The following ZDHHC13 variants were observed in gnomAD, a reference collection of about 807,000 sequenced individuals.
ZDHHC13 encodes zDHHC palmitoyltransferase 13, also known as palmitoyltransferase ZDHHC13.
In ZDHHC13, 85 loss-of-function variants were observed where a neutral mutation model predicts 86.0. The ratio of observed to expected loss-of-function variants is 0.99; its 90% CI spans 0.83 to 1.18. ZDHHC13 has a LOEUF of 1.18. Ranked by LOEUF, ZDHHC13 falls within the 50% of genes most tolerant of loss-of-function variation. The pLI is 0.00. For missense variants in ZDHHC13, 711 were observed against 730.2 expected (o/e 0.97, Z 0.30); for synonymous variants, 263 against 246.4 (o/e 1.07, Z -0.63).
At position 19,176,130 on chromosome 11, in the gene ZDHHC13, G is replaced by T; in HGVS notation, c.*170G>T. ...CAATAAAGGCATTACAATTTTTTAGGTTTAGAAAGATGGACTTTTCTGATA... is the reference window on the plus strand; with the variant it reads ...CAATAAAGGCATTACAATTTTTTAGTTTTAGAAAGATGGACTTTTCTGATA... On this transcript the variant is annotated 3_prime_UTR_variant, in exon 17 of 17. Transcript: ENST00000446113. 1.8e-6 allele frequency: 1 copy of T among 553,276 alleles called. No homozygotes were observed. The highest frequency in any genetic ancestry group is 2.8e-6 in the Non-Finnish European group (1 of 358,600). 34.3% of individuals were successfully genotyped at this position (553,276 alleles called of 1,614,324 possible).
intron 10 of ZDHHC13, among the ~76,000 whole-genome samples, chr11:19,160,616 CAT>C (rs1269340373): frequency 2.6e-5 from 4 of 151,752 alleles, no homozygotes; most frequent in African/African-American, 7.3e-5. Flanking sequence ...ATTTGAGAAA[CAT>C]GTCAGATTTT....
intron 1 of ZDHHC13, among the ~76,000 whole-genome samples, chr11:19,118,486 C>T (rs1848693657): frequency 6.6e-6 from 1 of 151,680 alleles, no homozygotes; most frequent in Non-Finnish European, 1.5e-5. Context: ...CATTCTTTTT[C>T]TCAGAGAGGC....
chr11:19,170,396 T>TC lies in ZDHHC13; in HGVS notation c.1475-15_1475-14insC. 2 of 1,491,384 alleles carry TC rather than the reference T, an allele frequency of 1.3e-6. No individual in the cohort carries two copies. Among genetic ancestry groups the TC allele is most frequent in the East Asian group, 2.6e-5 (1 of 39,056 alleles). 92.4% of individuals were successfully genotyped at this position (1,491,384 alleles called of 1,614,324 possible). ...TTGCCTTTTTTTTTTTTTTTTTTTT[T>TC]TGGTGAATTCACAGATTTGTCCAGT... On this transcript the variant is annotated splice_polypyrimidine_tract_variant and intron_variant, in intron 14 of 16. Coordinates refer to ENST00000446113, the MANE Select transcript of ZDHHC13 (RefSeq NM_019028.3).
In ZDHHC13 at chr11:19,117,622, C is replaced by T. The variant is rs560511194; in HGVS notation, c.27+346C>T. On this transcript the variant is annotated intron_variant, in intron 1 of 16. Coordinates refer to ENST00000446113, the MANE Select transcript of ZDHHC13 (RefSeq NM_019028.3). This position sits in a 1 kb window ranked among gnomAD's most constrained non-coding sequence, Gnocchi z 4.2. ...TTCCCGGGAGAGGTGTCAGGTGACA[C>T]ACCTGATTCGGACCCGCCCGTCTTG... is the stretch of plus-strand genomic sequence containing the variant. The T allele has an allele frequency of 6.0e-5, 18 of 300,122 alleles. No homozygotes were observed. Among genetic ancestry groups the T allele is most frequent in the Non-Finnish European group, 7.4e-5 (12 of 162,972 alleles). 18.6% of individuals were successfully genotyped at this position (300,122 alleles called of 1,614,324 possible). A position where few individuals can be genotyped will look rare whatever the true frequency, so the allele number is the denominator to read the frequency against.
intron 14 of ZDHHC13, chr11:19,166,986 T>C (rs991045096): frequency 1.3e-5 from 2 of 152,300 alleles, no homozygotes; most frequent in Non-Finnish European, 2.9e-5. Context: ...GACAGCCAGC[T>C]GTTCTGAGGT....
In ZDHHC13 at chr11:19,175,941, A is replaced by T. The variant is rs749948616; in HGVS notation, c.1850A>T (p.Lys617Met). 4.3e-6 allele frequency: 7 copies of T among 1,610,714 alleles called. No homozygotes were observed. Among genetic ancestry groups the T allele is most frequent in the East Asian group, 4.5e-5 (2 of 44,808 alleles). The change falls in exon 17 of 17, where the codon AAG (lysine) becomes ATG (methionine). Residue 617 changes from lysine to methionine, a missense_variant. Coordinates refer to ENST00000446113, the MANE Select transcript of ZDHHC13 (RefSeq NM_019028.3). ...YTMVFHPAREKVLRSV is the reference protein window; with the variant it reads ...YTMVFHPAREMVLRSV ...ATGGTCTTTCACCCAGCCAGGGAGA[A>T]GGTTCTTCGCTCAGTATGAAGAAAA...
At chr11:19,131,825 G>A (rs1216584131) in intron 1 of ZDHHC13, among the ~76,000 whole-genome samples, 1 of 151,962 alleles carries the variant, frequency 6.6e-6, no homozygotes, top group African/African-American at 2.4e-5. Context: ...GTAGAGACGG[G>A]GTTTCACCAC....
At chr11:19,137,777 A>G (rs1465905887) in intron 1 of ZDHHC13, among the ~76,000 whole-genome samples, 2 of 152,250 alleles carry the variant, frequency 1.3e-5, no homozygotes, top group Non-Finnish European at 2.9e-5. Context: ...CCGCTCAACT[A>G]CATGGAAACT....
chr11:19,120,680 C>T lies in ZDHHC13; in HGVS notation c.27+3404C>T, dbSNP rs60254060. Among the ~76,000 whole-genome samples the T allele has an allele frequency of 8.9e-3, 1,354 of 152,272 alleles. 25 individuals carry two copies. The highest frequency in any genetic ancestry group is 0.031 in the African/African-American group (1,289 of 41,546). On this transcript the variant is annotated intron_variant, in intron 1 of 16. Transcript: ENST00000446113. ...ATAATTTTCATAATATCTTGTTCTG[C>T]TTTTCACTCTTCTGTGGAGGACAGT...
rs760816945 is a variant in ZDHHC13, at chr11:19,152,174, T to C, written c.601T>C (p.Phe201Leu). 4 of 1,613,090 alleles carry C rather than the reference T, an allele frequency of 2.5e-6. No homozygotes were observed. Among genetic ancestry groups the C allele is most frequent in the Non-Finnish European group, 3.4e-6 (4 of 1,179,308 alleles). Residue 201 changes from phenylalanine to leucine, a missense_variant, in exon 7 of 17, where the codon TTT becomes CTT. Physicochemically the swap from Phe to Leu is conservative, Grantham distance 22. Coordinates refer to ENST00000446113, the MANE Select transcript of ZDHHC13 (RefSeq NM_019028.3). Reference sequence around the variant, plus strand: ...TTGAGACAGGCCAGAACCAACTGGATTTCTTTTAAAGTTTAATCCTTCTCT... The same window carrying C: ...TTGAGACAGGCCAGAACCAACTGGACTTCTTTTAAAGTTTAATCCTTCTCT... ...HKVIGPEPTG[F>L]LLKFNPSLNV... is the part of the protein sequence containing the mutation.
chr11:19,139,049 G>A (rs1393403959), intron 1 of ZDHHC13, among the ~76,000 whole-genome samples: 1 of 152,070 alleles, frequency 6.6e-6, no homozygotes, highest in Non-Finnish European at 1.5e-5. Flanking sequence ...ACATAGTGTT[G>A]GAAGTTCTGG....
At chr11:19,121,303 T>C (rs973143221) in intron 1 of ZDHHC13, among the ~76,000 whole-genome samples, 1 of 152,210 alleles carries the variant, frequency 6.6e-6, no homozygotes, top group Admixed American at 6.5e-5. Flanking sequence ...GTCCACCCAT[T>C]CTTTAGGTCA....
chr11:19,117,118 G>T (rs994628911), upstream of ZDHHC13: 3 of 987,666 alleles, frequency 3.0e-6, no homozygotes, highest in African/African-American at 3.2e-5. The surrounding 1 kb of genome is among the most constrained non-coding windows in gnomAD (Gnocchi z 4.2). Context: ...CTCAGGGCAC[G>T]AGCGGGGACC....
At chr11:19,122,185 A>C (rs1292797002) in intron 1 of ZDHHC13, among the ~76,000 whole-genome samples, 1 of 152,210 alleles carries the variant, frequency 6.6e-6, no homozygotes, top group East Asian at 1.9e-4. Context: ...AGGATTTGAC[A>C]TGTATTTCTA....
At chr11:19,170,272 T>A (rs544132968) in intron 14 of ZDHHC13, 139 bp from the exon 15 acceptor site, 1 of 1,417,962 alleles carries the variant, frequency 7.1e-7, no homozygotes, top group Non-Finnish European at 9.1e-7. Flanking sequence ...ATGTGGAAAA[T>A]GAAATCCTAA....
intron 1 of ZDHHC13, among the ~76,000 whole-genome samples, chr11:19,133,920 CATATATATATATAT>C (rs1554961794): frequency 2.4e-5 from 2 of 83,414 alleles, no homozygotes; most frequent in Non-Finnish European, 5.3e-5. Flanking sequence ...GAAAGAAGTC[CATATATATATATAT>C]ATATATATAC....
chr11:19,166,937 G>A (rs1850088117), intron 14 of ZDHHC13: 1 of 152,492 alleles, frequency 6.6e-6, no homozygotes, highest in Non-Finnish European at 1.5e-5. Context: ...GCTTTCAGTA[G>A]CGGTTTAAAA....
intron 1 of ZDHHC13, among the ~76,000 whole-genome samples, chr11:19,138,089 C>T (rs904462173): frequency 3.3e-5 from 5 of 150,868 alleles, no homozygotes; most frequent in African/African-American, 9.8e-5. Context: ...AATAGAGACA[C>T]AAAAAAACCC....
chr11:19,158,834 C>T (rs1382189791), intron 9 of ZDHHC13, 106 bp from the exon 10 acceptor site: 4 of 708,332 alleles, frequency 5.6e-6, no homozygotes, highest in Non-Finnish European at 8.9e-6. Flanking sequence ...AAAGCTATTA[C>T]TGTTGCTGCT....
Sources: allele counts gnomAD v4.1 joint callset (sites outside exome capture counted in the v4.1 genomes callset), GRCh38; gene constraint gnomAD v4.1.1; non-coding constraint Gnocchi (gnomAD v3.1); transcripts MANE v1.5; gene names NCBI Gene and HGNC (gene_info 2026-07-23, HGNC 2026-07-21).